CAMTA1: variants seen among roughly 807,000 people sequenced by gnomAD.
CAMTA1 encodes calmodulin-binding transcription activator 1.
CAMTA1 carries 27 observed loss-of-function variants against 170.9 expected under a neutral mutation model. That is an observed-to-expected ratio of 0.16 (90% CI 0.12 to 0.22). The LOEUF is 0.22. Ranked by LOEUF, CAMTA1 falls within the 10% of genes least tolerant of loss-of-function variation. CAMTA1 has a pLI of 1.00. For synonymous variants in CAMTA1, 833 were observed against 891.5 expected (o/e 0.93, Z 1.17); for missense variants, 1,619 against 2,217.2 (o/e 0.73, Z 5.42).
chr1:7,624,416 T>C (rs2095619626), intron 6 of CAMTA1, among the ~76,000 whole-genome samples: 1 of 152,238 alleles, frequency 6.6e-6, no homozygotes, highest in Non-Finnish European at 1.5e-5. Context: ...CAAATCATCC[T>C]GGTATACCAC....
At chr1:7,128,082 C>T (rs915468721) in intron 4 of CAMTA1, among the ~76,000 whole-genome samples, 1 of 152,154 alleles carries the variant, frequency 6.6e-6, no homozygotes, top group Non-Finnish European at 1.5e-5. Context: ...CCCTGGGTGC[C>T]GAGTCTCTGA....
At chr1:7,448,443 C>G (rs542787055) in intron 5 of CAMTA1, among the ~76,000 whole-genome samples, 1 of 152,120 alleles carries the variant, frequency 6.6e-6, no homozygotes, top group Non-Finnish European at 1.5e-5. Context: ...CTGTGGAGGC[C>G]GAGGCTCTCT....
chr1:7,544,525 G>A (rs893594246), intron 6 of CAMTA1, among the ~76,000 whole-genome samples: 11 of 152,200 alleles, frequency 7.2e-5, no homozygotes, highest in Non-Finnish European at 1.6e-4. Context: ...AAAGCTCAGA[G>A]CATGATCTCC....
chr1:7,566,620 A>T (rs1225024940), intron 6 of CAMTA1, among the ~76,000 whole-genome samples: 2 of 152,028 alleles, frequency 1.3e-5, no homozygotes, highest in Non-Finnish European at 2.9e-5. Flanking sequence ...CTCAAAACCG[A>T]TGTGACACCC....
rs2092314460 is a variant in CAMTA1, at chr1:7,435,420, C to T, written c.439-32410C>T. Among the ~76,000 whole-genome samples the T allele has an allele frequency of 6.6e-6, 1 of 152,172 alleles. No individual in the cohort carries two copies. Among genetic ancestry groups the T allele is most frequent in the African/African-American group, 2.4e-5 (1 of 41,438 alleles). On this transcript the variant is annotated intron_variant, in intron 5 of 22. Coordinates refer to ENST00000303635, the MANE Select transcript of CAMTA1 (RefSeq NM_015215.4). The surrounding 1 kb of genome is among the most constrained non-coding windows in gnomAD (Gnocchi z 4.4). ...CTCCTGTACCTCTCCCTGTGGGATCCCTGCCCTAGGCTGGGTTCTTGCTCT... is the reference window on the plus strand; with the variant it reads ...CTCCTGTACCTCTCCCTGTGGGATCTCTGCCCTAGGCTGGGTTCTTGCTCT...
At chr1:7,538,579 C>T (rs750088347) in intron 6 of CAMTA1, among the ~76,000 whole-genome samples, 2 of 152,152 alleles carry the variant, frequency 1.3e-5, no homozygotes, top group Admixed American at 6.5e-5. Flanking sequence ...GGGCTCAGGA[C>T]GCTGAGGCGG....
chr1:7,103,678 T>C (rs559757449), intron 4 of CAMTA1, among the ~76,000 whole-genome samples: 15 of 139,254 alleles, frequency 1.1e-4, no homozygotes, highest in African/African-American at 4.1e-4. Context: ...ACTACACACA[T>C]GCACACAACA....
intron 3 of CAMTA1, among the ~76,000 whole-genome samples, chr1:6,833,640 C>T (rs1651500627): frequency 6.6e-6 from 1 of 152,166 alleles, no homozygotes; most frequent in African/African-American, 2.4e-5. Flanking sequence ...ATAAGTCTGT[C>T]ATTAAGCCTT....
intron 5 of CAMTA1, among the ~76,000 whole-genome samples, chr1:7,395,682 A>G (rs2089243560): frequency 6.6e-6 from 1 of 152,198 alleles, no homozygotes; most frequent in Non-Finnish European, 1.5e-5. Flanking sequence ...CATTTTAACA[A>G]TATCAATTCT....
chr1:7,590,571 G>T (rs2095348052), intron 6 of CAMTA1, among the ~76,000 whole-genome samples: 1 of 152,198 alleles, frequency 6.6e-6, no homozygotes, highest in Non-Finnish European at 1.5e-5. Context: ...AGCTGGAGGT[G>T]CCCCCACCCA....
intron 4 of CAMTA1, among the ~76,000 whole-genome samples, chr1:7,165,308 C>G (rs1648147604): frequency 6.6e-6 from 1 of 152,222 alleles, no homozygotes; most frequent in Admixed American, 6.5e-5. Flanking sequence ...TTGATCAAAT[C>G]TTACCCTTTG....
intron 5 of CAMTA1, among the ~76,000 whole-genome samples, chr1:7,398,554 A>G (rs1358711635): frequency 6.6e-6 from 1 of 151,962 alleles, no homozygotes; most frequent in African/African-American, 2.4e-5. Flanking sequence ...TTTCTTATCC[A>G]TTCAGCCACT....
Position 6,798,842 on chromosome 1 carries a change from C to T in CAMTA1, c.45+13267C>T, listed in dbSNP as rs372428367. On this transcript the variant is annotated intron_variant, in intron 1 of 22. Coordinates refer to ENST00000303635, the MANE Select transcript of CAMTA1 (RefSeq NM_015215.4). ...CTATCTCCTGACCTCATGATCCGTC[C>T]GCCTCTGCCTCCCAAAGTGCTCGGA... Among the ~76,000 whole-genome samples, 33 of 151,996 alleles carry T rather than the reference C, an allele frequency of 2.2e-4. No individual in the cohort carries two copies. The East Asian group carries it at 5.6e-3, about 26-fold the overall frequency.
At chr1:7,688,011 CTTT>C (rs70987364) in intron 11 of CAMTA1, among the ~76,000 whole-genome samples, 2 of 103,270 alleles carry the variant, frequency 1.9e-5, no homozygotes, top group Admixed American at 1.0e-4. Flanking sequence ...CTCATTATTC[CTTT>C]TTTTTTTTTT....
chr1:7,457,055 G>A (rs201974192), intron 5 of CAMTA1, among the ~76,000 whole-genome samples: 12,034 of 73,136 alleles, frequency 0.16, 873 homozygotes, highest in East Asian at 0.55. Context: ...CGCCCCCTGC[G>A]CCGCCGTGCC....
chr1:7,605,729 C>T (rs537802031), intron 6 of CAMTA1, among the ~76,000 whole-genome samples: 20 of 152,322 alleles, frequency 1.3e-4, no homozygotes, highest in Admixed American at 3.3e-4. Flanking sequence ...GAGATGAACC[C>T]GGTACCTCAG....
rs60266879 is a variant in CAMTA1 at position 7,737,036 on chromosome 1, C to A, written c.3342+27C>A. ...TAAGGAATGGATTCCTGTAGCCCCC[C>A]CTTGCTGTTCTTCCAGTCTGGCATA... On this transcript the variant is annotated intron_variant, in intron 14 of 22. Transcript: ENST00000303635. 6.0e-4 allele frequency: 927 copies of A among 1,550,154 alleles called. 10 individuals carry two copies. The Admixed American group carries it at 8.8e-3, about 15-fold the overall frequency.
intron 4 of CAMTA1, among the ~76,000 whole-genome samples, chr1:7,181,356 C>G (rs1652115170): frequency 6.6e-6 from 1 of 152,142 alleles, no homozygotes; most frequent in South Asian, 2.1e-4. Flanking sequence ...ATTATCTCTG[C>G]TACTATCCCA....
chr1:6,897,829 A>G (rs1675987791), intron 3 of CAMTA1, among the ~76,000 whole-genome samples: 1 of 152,218 alleles, frequency 6.6e-6, no homozygotes, highest in African/African-American at 2.4e-5. Flanking sequence ...AAAAGTATCC[A>G]CTTACTATTG....
Sources: allele counts gnomAD v4.1 joint callset (sites outside exome capture counted in the v4.1 genomes callset), GRCh38; gene constraint gnomAD v4.1.1; non-coding constraint Gnocchi (gnomAD v3.1); transcripts MANE v1.5; gene names NCBI Gene and HGNC (gene_info 2026-07-23, HGNC 2026-07-21).